Variants in DCAF8L2 observed in about 807,000 individuals in gnomAD.
The protein encoded by DCAF8L2 is DDB1 and CUL4 associated factor 8 like 2.
For missense variants in DCAF8L2, 430 were observed against 490.7 expected, an observed-to-expected ratio of 0.88 and a Z score of 1.17; for synonymous variants, 200 against 190.9, an observed-to-expected ratio of 1.05 and a Z score of -0.39.
intron 3 of DCAF8L2, among the ~76,000 whole-genome samples, chrX:27,681,966 T>G (rs951415865): frequency 2.7e-5 from 3 of 111,705 alleles, no homozygotes; most frequent in South Asian, 3.7e-4. Context: ...TTTCATTTTT[T>G]TTGTTGTTGT....
chrX:27,561,074 A>C, the DCAF8L2 span, among the ~76,000 whole-genome samples: 1 of 112,334 alleles, frequency 8.9e-6, no homozygotes, highest in Non-Finnish European at 1.9e-5. Context: ...TTAGACTTGA[A>C]AAGACCAACT....
chrX:27,629,176 C>A, intron 1 of DCAF8L2, among the ~76,000 whole-genome samples: 1 of 111,294 alleles, frequency 9.0e-6, no homozygotes, highest in South Asian at 3.8e-4. Context: ...ACTTTTCATT[C>A]TGTTGATTGT....
intron 3 of DCAF8L2, among the ~76,000 whole-genome samples, chrX:27,693,421 G>C (rs1930780726): frequency 9.0e-6 from 1 of 111,202 alleles, no homozygotes; most frequent in Non-Finnish European, 1.9e-5. Flanking sequence ...ATATTAGAAT[G>C]ATTCAGGTTT....
chrX:27,524,163 C>A, the DCAF8L2 span, among the ~76,000 whole-genome samples: 3 of 111,421 alleles, frequency 2.7e-5, no homozygotes, highest in African/African-American at 9.8e-5. Flanking sequence ...TGGTCCTGGA[C>A]TTTTTTTGGT....
chrX:27,704,223 T>C (rs12400229), intron 3 of DCAF8L2, among the ~76,000 whole-genome samples: 42,912 of 93,758 alleles, frequency 0.46, 9,033 homozygotes, highest in African/African-American at 0.58. Flanking sequence ...CGCGCGCACA[T>C]GTGCGTGTAC....
intron 2 of DCAF8L2, among the ~76,000 whole-genome samples, chrX:27,659,617 T>C (rs1000340131): frequency 1.8e-5 from 2 of 111,280 alleles, no homozygotes; most frequent in Non-Finnish European, 3.8e-5. Flanking sequence ...TCACGTGAGC[T>C]CTCTTCATTT....
At chrX:27,540,435 C>A in the DCAF8L2 span, among the ~76,000 whole-genome samples, 1 of 110,658 alleles carries the variant, frequency 9.0e-6, no homozygotes. Flanking sequence ...TGGATGAGCT[C>A]GGAGGACATT....
intron 3 of DCAF8L2, among the ~76,000 whole-genome samples, chrX:27,710,345 G>A (rs943459111): frequency 9.0e-6 from 1 of 111,330 alleles, no homozygotes; most frequent in Non-Finnish European, 1.9e-5. Flanking sequence ...TGAAATTTTG[G>A]TTGGTTTTGT....
chrX:27,522,038 A>AT, the DCAF8L2 span, among the ~76,000 whole-genome samples: 1 of 112,033 alleles, frequency 8.9e-6, no homozygotes, highest in Non-Finnish European at 1.9e-5. Context: ...CTCAGTGTGT[A>AT]TTTTTTGAGA....
intron 1 of DCAF8L2, among the ~76,000 whole-genome samples, chrX:27,622,009 A>AACAAC (rs1569163060): frequency 5.6e-4 from 61 of 109,199 alleles, no homozygotes; most frequent in African/African-American, 2.0e-3. Context: ...ACAACAACAA[A>AACAAC]AAAAAAAGAT....
the DCAF8L2 span, among the ~76,000 whole-genome samples, chrX:27,544,816 C>T: frequency 1.8e-5 from 2 of 111,129 alleles, no homozygotes; most frequent in African/African-American, 6.5e-5. Flanking sequence ...TATTAGGAGC[C>T]CACTGAGATA....
chrX:27,550,873 A>G, the DCAF8L2 span, among the ~76,000 whole-genome samples: 4 of 110,869 alleles, frequency 3.6e-5, no homozygotes, highest in African/African-American at 1.3e-4. Context: ...GAACAAGCCT[A>G]TTGGAGCCAT....
At chrX:27,471,234 T>A in the DCAF8L2 span, among the ~76,000 whole-genome samples, 1 of 112,228 alleles carries the variant, frequency 8.9e-6, no homozygotes, top group Non-Finnish European at 1.9e-5. Context: ...TGGTTCAAGA[T>A]TTCTATTAAT....
the DCAF8L2 span, among the ~76,000 whole-genome samples, chrX:27,577,953 T>G: frequency 1.8e-5 from 2 of 111,457 alleles, no homozygotes; most frequent in Non-Finnish European, 3.8e-5. Flanking sequence ...AGAATCAACA[T>G]CATGAAAATG....
chrX:27,527,366 C>G, the DCAF8L2 span, among the ~76,000 whole-genome samples: 68 of 112,261 alleles, frequency 6.1e-4, no homozygotes, highest in Non-Finnish European at 1.9e-4. Context: ...TTGCTAAGAC[C>G]ATTGGAAATG....
the DCAF8L2 span, among the ~76,000 whole-genome samples, chrX:27,502,331 AAAAAATATATATATATATAT>A: frequency 3.4e-5 from 1 of 29,596 alleles, no homozygotes; most frequent in East Asian, 1.9e-3. Context: ...AAAAAAAAAA[AAAAAATATATATATATATAT>A]ATATATATAT....
intron 1 of DCAF8L2, among the ~76,000 whole-genome samples, chrX:27,620,116 C>T (rs1049137148): frequency 2.7e-5 from 3 of 111,635 alleles, no homozygotes; most frequent in African/African-American, 6.5e-5. Context: ...CAAAATTTCT[C>T]ATATATACAT....
At chrX:27,744,364 C>T (rs1722399580) in intron 4 of DCAF8L2, among the ~76,000 whole-genome samples, 1 of 111,386 alleles carries the variant, frequency 9.0e-6, no homozygotes. Flanking sequence ...GTCCACTTGG[C>T]TAACTTTTAA....
chrX:27,596,235 T>C (rs1227935172), intron 1 of DCAF8L2, among the ~76,000 whole-genome samples: 1 of 111,833 alleles, frequency 8.9e-6, no homozygotes, highest in African/African-American at 3.3e-5. Flanking sequence ...CTGATTTTAC[T>C]CTCCAGAATT....
Sources: allele counts gnomAD v4.1 joint callset (sites outside exome capture counted in the v4.1 genomes callset), GRCh38; gene constraint gnomAD v4.1.1; transcripts MANE v1.5; gene names NCBI Gene and HGNC (gene_info 2026-07-23, HGNC 2026-07-21).